The following PHLPP2 variants were observed in gnomAD, a reference collection of about 807,000 sequenced individuals.
PHLPP2 encodes PH domain and leucine rich repeat protein phosphatase 2.
Under a neutral mutation model 124.9 loss-of-function variants are expected in PHLPP2, and 66 were observed. The ratio of observed to expected loss-of-function variants is 0.53; its 90% CI spans 0.43 to 0.65. The LOEUF (loss-of-function observed/expected upper bound fraction) is 0.65. PHLPP2 is among the 30% of genes least tolerant of loss of function. The pLI is 0.00. For missense variants in PHLPP2, 1,685 were observed against 1,600.4 expected (o/e 1.05, Z -0.90); for synonymous variants, 681 against 624.7 (o/e 1.09, Z -1.34).
intron 2 of PHLPP2, among the ~76,000 whole-genome samples, chr16:71,705,674 G>A (rs1156583191): frequency 6.6e-6 from 1 of 152,022 alleles, no homozygotes. Flanking sequence ...ACCATGCCCA[G>A]CTAATTTTTG....
At chr16:71,692,612 C>T (rs1281181814) in intron 3 of PHLPP2, among the ~76,000 whole-genome samples, 1 of 152,110 alleles carries the variant, frequency 6.6e-6, no homozygotes. Context: ...TCTATACAGT[C>T]GTTCCTTGGT....
intron 1 of PHLPP2, among the ~76,000 whole-genome samples, chr16:71,721,334 G>T (rs769307800): frequency 6.6e-5 from 10 of 151,992 alleles, no homozygotes; most frequent in Non-Finnish European, 1.0e-4. Flanking sequence ...ATAACGTTTT[G>T]GGCTGGGTGC....
At chr16:71,663,828 C>G (rs1157324032) in intron 13 of PHLPP2, 71 bp downstream of exon 13, 1 of 1,157,724 alleles carries the variant, frequency 8.6e-7, no homozygotes, top group Non-Finnish European at 1.3e-6. Context: ...AGTCAGATGG[C>G]TATATTTTTT....
Position 71,714,517 on chromosome 16 carries a change from C to A in PHLPP2, c.279G>T (p.Leu93=). The change falls in exon 2 of 19, where the codon CTG becomes CTT. Residue 93 remains leucine, a synonymous_variant. Transcript: ENST00000568954. The part of the protein sequence containing the change: ...ESLYLQLHGD[L]VRRLEPTERP... ...TGGTAAAACTGAGACCTCACCTGAC[C>A]AGGTCTCCATGAAGCTGTAAATAAA... The A allele has an allele frequency of 6.2e-7, 1 of 1,601,376 alleles. No homozygotes were observed. Among genetic ancestry groups the A allele is most frequent in the Non-Finnish European group, 8.5e-7 (1 of 1,171,126 alleles).
intron 9 of PHLPP2, among the ~76,000 whole-genome samples, chr16:71,675,737 G>A (rs1277661834): frequency 6.6e-6 from 1 of 151,794 alleles, no homozygotes; most frequent in Admixed American, 6.6e-5. Flanking sequence ...TTTTTGAGAT[G>A]GGGTCTCACA....
At chr16:71,659,130 T>C (rs1002488949) in intron 13 of PHLPP2, among the ~76,000 whole-genome samples, 5 of 152,190 alleles carry the variant, frequency 3.3e-5, no homozygotes, top group African/African-American at 1.2e-4. Context: ...GGGATTAGTC[T>C]TGATGCTTGC....
chr16:71,702,772 A>C (rs1397946172), intron 2 of PHLPP2, 41 bp from the exon 3 acceptor site: 1 of 1,397,564 alleles, frequency 7.2e-7, no homozygotes. Flanking sequence ...TTTGGTAAGT[A>C]ATAAAAATGG....
chr16:71,671,930 A>G lies in PHLPP2; in HGVS notation c.1532+332T>C, dbSNP rs148125425. On this transcript the variant is annotated intron_variant, in intron 10 of 18. Coordinates refer to ENST00000568954, the MANE Select transcript of PHLPP2 (RefSeq NM_015020.3). ...CTCCGTCTCAAACAAACAAACAAAC[A>G]CCCACTATCTAAAAATCAAGAATTA... 2.2e-3 allele frequency among the ~76,000 whole-genome samples: 339 copies of G among 151,896 alleles called. 1 individual carries two copies. The highest frequency in any genetic ancestry group is 7.3e-3 in the African/African-American group (302 of 41,426).
At chr16:71,656,235 C>T (rs2044741083) in intron 16 of PHLPP2, among the ~76,000 whole-genome samples, 1 of 152,060 alleles carries the variant, frequency 6.6e-6, no homozygotes. Flanking sequence ...GACTGGGTGT[C>T]ATCAGAAAGT....
chr16:71,672,448 T>C (rs2145329004), intron 9 of PHLPP2, 126 bp from the exon 10 acceptor site: 1 of 703,104 alleles, frequency 1.4e-6, no homozygotes, highest in East Asian at 2.7e-5. Flanking sequence ...CAAGATGAGC[T>C]AAAGACAAAA....
intron 8 of PHLPP2, chr16:71,678,522 C>G (rs1383733877): frequency 6.4e-6 from 3 of 469,854 alleles, no homozygotes; most frequent in African/African-American, 5.9e-5. Context: ...CACCTGAAGT[C>G]CCAACTACTC....
At chr16:71,655,456 A>G (rs1567612425) in intron 16 of PHLPP2, 22 bp from the exon 17 acceptor site, 2 of 1,562,572 alleles carry the variant, frequency 1.3e-6, no homozygotes, top group Admixed American at 3.6e-5. Context: ...ACATGAAAAC[A>G]GAAAACAGAA....
At chr16:71,719,964 A>ATTTTTTTTTTTTTTTTTTTTTTTTT (rs756642820) in intron 1 of PHLPP2, among the ~76,000 whole-genome samples, 4 of 53,250 alleles carry the variant, frequency 7.5e-5, no homozygotes, top group Non-Finnish European at 9.2e-5. Flanking sequence ...TGCCCAGCTA[A>ATTTTTTTTTTTTTTTTTTTTTTTTT]TTTTTTTTTT....
chr16:71,723,488 GCCCA>G (rs2045411317), intron 1 of PHLPP2: 1 of 157,862 alleles, frequency 6.3e-6, no homozygotes, highest in East Asian at 1.9e-4. Flanking sequence ...GCTACCCGCA[GCCCA>G]AAGGCGTGGG....
chr16:71,705,183 C>A (rs903698729), intron 2 of PHLPP2, among the ~76,000 whole-genome samples: 2 of 152,156 alleles, frequency 1.3e-5, no homozygotes, highest in Admixed American at 1.3e-4. Flanking sequence ...CCAAACGGGG[C>A]CAGATGATCT....
intron 4 of PHLPP2, among the ~76,000 whole-genome samples, chr16:71,689,251 G>T (rs558900178): frequency 1.3e-5 from 2 of 151,832 alleles, no homozygotes; most frequent in Non-Finnish European, 2.9e-5. Context: ...GACTCACTCT[G>T]TCACATAAGG....
At chr16:71,669,396 C>T in intron 10 of PHLPP2, 26 bp from the exon 11 acceptor site, 3 of 1,485,266 alleles carry the variant, frequency 2.0e-6, no homozygotes, top group African/African-American at 1.4e-5. Context: ...AATTAAATGG[C>T]ACCATTTAAG....
At chr16:71,702,472 C>T in intron 3 of PHLPP2, 126 bp downstream of exon 3, 1 of 682,602 alleles carries the variant, frequency 1.5e-6, no homozygotes, top group South Asian at 2.6e-5. Context: ...TTGGTGTTAA[C>T]TACGTTAGTT....
rs138126347 is a variant in PHLPP2, at chr16:71,669,435, T to C, written c.1533-65A>G. 1.2e-4 allele frequency: 139 copies of C among 1,177,254 alleles called. No individual in the cohort carries two copies. The Middle Eastern group carries it at 1.5e-3, about 13-fold the overall frequency. 72.9% of individuals were successfully genotyped at this position (1,177,254 alleles called of 1,614,324 possible). ...ACAAGTGGAACTCATTTCAGTAGGCTATAATGTATCCATTAACCAGCCTGT... is the reference window on the plus strand; with the variant it reads ...ACAAGTGGAACTCATTTCAGTAGGCCATAATGTATCCATTAACCAGCCTGT... On this transcript the variant is annotated intron_variant, in intron 10 of 18. Transcript: ENST00000568954.
Sources: gnomAD v4.1 joint callset for allele counts (sites outside exome capture counted in the v4.1 genomes callset) on GRCh38, gnomAD v4.1.1 for gene constraint, MANE v1.5 for transcripts, NCBI Gene and HGNC (gene_info 2026-07-23, HGNC 2026-07-21) for gene names.